OR10G2: variants seen among roughly 807,000 people sequenced by gnomAD.
The protein encoded by OR10G2 is olfactory receptor 10G2.
For missense variants in OR10G2, 396 were observed against 387.6 expected (o/e 1.02, Z -0.18); for synonymous variants, 147 against 164.2 (o/e 0.90, Z 0.80).
At position 21,634,259 on chromosome 14, in the gene OR10G2, G is replaced by C. The variant is rs778454860; in HGVS notation, c.584C>G (p.Ala195Gly). 1.2e-6 allele frequency: 2 copies of C among 1,614,218 alleles called. No homozygotes were observed. The highest frequency in any genetic ancestry group is 1.7e-5 in the Admixed American group (1 of 60,018). Residue 195 changes from alanine to glycine, a missense_variant, in exon 1 of 1, where the codon GCT becomes GGT. By Grantham distance (60) the Ala-to-Gly change is moderately conservative. Coordinates refer to ENST00000542433, the MANE Select transcript of OR10G2 (RefSeq NM_001005466.2). ...DIPAVLRLAC[A>G]DTTVNELVTF... ...CACAAGCTCATTGACAGTTGTGTCA[G>C]CACAGGCCAGTCTCAATACTGCGGG...
Position 21,633,911 on chromosome 14 carries a change from C to T in OR10G2, c.932G>A (p.Ter311=), listed in dbSNP as rs551427146. The T allele has an allele frequency of 3.1e-6, 5 of 1,594,202 alleles. No homozygotes were observed. The East Asian group carries it at 1.1e-4, about 36-fold the overall frequency. The part of the protein sequence containing the change: ...KSALKRITAG[*] ...AGTTACTTATTTTCATTCAGTCCTTCAACCTGCTGTTATCCTCTTCAGGGC... is the reference window on the plus strand; with the variant it reads ...AGTTACTTATTTTCATTCAGTCCTTTAACCTGCTGTTATCCTCTTCAGGGC... Residue 311 remains the stop codon, a stop_retained_variant, in exon 1 of 1, where the codon TGA becomes TAA. Coordinates refer to ENST00000542433, the MANE Select transcript of OR10G2 (RefSeq NM_001005466.2).
rs767877677 is a variant in OR10G2, at chr14:21,634,755, G to A, written c.88C>T (p.Leu30Phe). ...ATGATGAAGAAGACCAGGAAGAGGA[G>A]GCTTCTTAGATTTGGGGGGTGAGAC... ...GLSHPPNLRS[L>F]LFLVFFIIYI... Residue 30 changes from leucine (L) to phenylalanine (F), a missense_variant, in exon 1 of 1, where the codon CTC becomes TTC. Coordinates refer to ENST00000542433, the MANE Select transcript of OR10G2 (RefSeq NM_001005466.2). The A allele has an allele frequency of 3.7e-6, 6 of 1,614,116 alleles. No homozygotes were observed. Among genetic ancestry groups the A allele is most frequent in the South Asian group, 3.3e-5 (3 of 91,076 alleles).
At position 21,634,217 on chromosome 14, in the gene OR10G2, C is replaced by T. The variant is rs1216229516; in HGVS notation, c.626G>A (p.Gly209Glu). 1.2e-6 allele frequency: 2 copies of T among 1,614,198 alleles called. No individual in the cohort carries two copies. Among genetic ancestry groups the T allele is most frequent in the Non-Finnish European group, 1.7e-6 (2 of 1,180,038 alleles). The change falls in exon 1 of 1, where the codon GGG becomes GAG. Residue 209 changes from glycine to glutamate, a missense_variant. Coordinates refer to ENST00000542433, the MANE Select transcript of OR10G2 (RefSeq NM_001005466.2). Reference protein sequence around the residue: ...VNELVTFVDVGVVAASCFMLI... With the variant: ...VNELVTFVDVEVVAASCFMLI... ...CATGAAGCAACTGGCGGCCACTACCCCGACGTCCACAAAGGTCACAAGCTC... is the reference window on the plus strand; with the variant it reads ...CATGAAGCAACTGGCGGCCACTACCTCGACGTCCACAAAGGTCACAAGCTC...
chr14:21,634,740 A>G lies in OR10G2; in HGVS notation c.103T>C (p.Phe35Leu). ...PNLRSLLFLV[F>L]FIIYILTQLG... Reference sequence around the variant, plus strand: ...TGAGTGAGGATGTAAATGATGAAGAAGACCAGGAAGAGGAGGCTTCTTAGA... The same window carrying G: ...TGAGTGAGGATGTAAATGATGAAGAGGACCAGGAAGAGGAGGCTTCTTAGA... The change falls in exon 1 of 1, where the codon TTC (phenylalanine) becomes CTC (leucine). Residue 35 changes from phenylalanine (F) to leucine (L), a missense_variant. Transcript: ENST00000542433. 3.1e-6 allele frequency: 5 copies of G among 1,614,166 alleles called. No homozygotes were observed. Among genetic ancestry groups the G allele is most frequent in the Non-Finnish European group, 4.2e-6 (5 of 1,180,030 alleles).
At position 21,634,930 on chromosome 14, in the gene OR10G2, T is replaced by C. The variant is rs1158259941; in HGVS notation, c.-88A>G. The C allele has an allele frequency of 9.6e-7, 1 of 1,043,898 alleles. No homozygotes were observed. Among genetic ancestry groups the C allele is most frequent in the South Asian group, 1.6e-5 (1 of 63,872 alleles). 64.7% of individuals were successfully genotyped at this position (1,043,898 alleles called of 1,614,324 possible). A position where few individuals can be genotyped will look rare whatever the true frequency, so the allele number is the denominator to read the frequency against. On this transcript the variant is annotated 5_prime_UTR_variant, in exon 1 of 1. Transcript: ENST00000542433. ...GTTGTAAGTGAATGCTTTTGTCGGA[T>C]GATTGATGCCTAGGAATTATGAGAT...
chr14:21,634,560 T>C lies in OR10G2; in HGVS notation c.283A>G (p.Lys95Glu). 1 of 1,614,014 alleles carries C rather than the reference T, an allele frequency of 6.2e-7. No individual in the cohort carries two copies. The highest frequency in any genetic ancestry group is 8.5e-7 in the Non-Finnish European group (1 of 1,179,992). Reference sequence around the variant, plus strand: ...ACACAGCCACCAAACGGGATAGCCTTGATGGAAGGAGTAAAATCCAAAATA... The same window carrying C: ...ACACAGCCACCAAACGGGATAGCCTCGATGGAAGGAGTAAAATCCAAAATA... ...LLILDFTPSI[K>E]AIPFGGCVAQ... The change falls in exon 1 of 1, where the codon AAG becomes GAG. Residue 95 changes from lysine (K) to glutamate (E), a missense_variant. Coordinates refer to ENST00000542433, the MANE Select transcript of OR10G2 (RefSeq NM_001005466.2).
Position 21,634,538 on chromosome 14 carries a change from C to T in OR10G2, c.305G>A (p.Cys102Tyr), listed in dbSNP as rs769802083. Residue 102 changes from cysteine (C) to tyrosine (Y), a missense_variant, in exon 1 of 1, where the codon TGT becomes TAT. Coordinates refer to ENST00000542433, the MANE Select transcript of OR10G2 (RefSeq NM_001005466.2). ...PSIKAIPFGG[C>Y]VAQLYFFHFL... ...GTGAAAGAAATACAGTTGAGCCACA[C>T]AGCCACCAAACGGGATAGCCTTGAT... The T allele has an allele frequency of 1.2e-6, 2 of 1,614,186 alleles. No homozygotes were observed. The highest frequency in any genetic ancestry group is 1.7e-5 in the Admixed American group (1 of 60,022).
At position 21,634,657 on chromosome 14, in the gene OR10G2, G is replaced by A. The variant is rs1478322418; in HGVS notation, c.186C>T (p.Arg62=). The A allele has an allele frequency of 2.5e-6, 4 of 1,614,006 alleles. No individual in the cohort carries two copies. The highest frequency in any genetic ancestry group is 1.7e-5 in the Admixed American group (1 of 59,998). ...TMWADPKLCA[R]PMYILLGVLS... The stretch of plus-strand genomic sequence containing the variant: ...GCACTCCCAGAAGAATGTACATGGG[G>A]CGAGCACAGAGCTTCGGGTCAGCCC... The change falls in exon 1 of 1, where the codon CGC becomes CGT. Residue 62 remains arginine, a synonymous_variant. Transcript: ENST00000542433.
In OR10G2 at chr14:21,634,276, T is replaced by A; in HGVS notation, c.567A>T (p.Val189=). Residue 189 remains valine, a synonymous_variant, in exon 1 of 1, where the codon GTA becomes GTT. Coordinates refer to ENST00000542433, the MANE Select transcript of OR10G2 (RefSeq NM_001005466.2). Reference sequence around the variant, plus strand: ...TTGTGTCAGCACAGGCCAGTCTCAATACTGCGGGGATGTCACAGATAAAGT... The same window carrying A: ...TTGTGTCAGCACAGGCCAGTCTCAAAACTGCGGGGATGTCACAGATAAAGT... ...VDYFICDIPA[V]LRLACADTTV... The A allele has an allele frequency of 6.2e-7, 1 of 1,614,208 alleles. No individual in the cohort carries two copies. The highest frequency in any genetic ancestry group is 8.5e-7 in the Non-Finnish European group (1 of 1,180,032).
In OR10G2 at chr14:21,634,258, A is replaced by G. The variant is rs10136017; in HGVS notation, c.585T>C (p.Ala195=). The change falls in exon 1 of 1, where the codon GCT becomes GCC. Residue 195 remains alanine, a synonymous_variant. Transcript: ENST00000542433. ...DIPAVLRLAC[A]DTTVNELVTF... ...TCACAAGCTCATTGACAGTTGTGTCAGCACAGGCCAGTCTCAATACTGCGG... is the reference window on the plus strand; with the variant it reads ...TCACAAGCTCATTGACAGTTGTGTCGGCACAGGCCAGTCTCAATACTGCGG... 2 of 1,614,096 alleles carry G rather than the reference A, an allele frequency of 1.2e-6. No homozygotes were observed. The highest frequency in any genetic ancestry group is 2.7e-5 in the African/African-American group (2 of 74,928).
rs1170305268 is a variant in OR10G2, at chr14:21,634,376, G to A, written c.467C>T (p.Ala156Val). Residue 156 changes from alanine (A) to valine (V), a missense_variant, in exon 1 of 1, where the codon GCC (alanine) becomes GTC (valine). By Grantham distance (64) the Ala-to-Val change is moderately conservative. Coordinates refer to ENST00000542433, the MANE Select transcript of OR10G2 (RefSeq NM_001005466.2). ...CTGGATAGACCCATGCATGGAGCCG[G>A]CGACCCAAGCTCCAGCCACAAGGAC... is the stretch of plus-strand genomic sequence containing the variant. ...CTVLVAGAWV[A>V]GSMHGSIQAT... 1.9e-6 allele frequency: 3 copies of A among 1,614,226 alleles called. No homozygotes were observed. The East Asian group carries it at 6.7e-5, about 36-fold the overall frequency.
chr14:21,634,394 A>C lies in OR10G2; in HGVS notation c.449T>G (p.Val150Gly), dbSNP rs776402385. 7.4e-6 allele frequency: 12 copies of C among 1,614,258 alleles called. 1 individual carries two copies. In the South Asian group the frequency reaches 1.2e-4, roughly 16 times the overall value. ...GGAGCCGGCGACCCAAGCTCCAGCC[A>C]CAAGGACTGTGCATAACCTCCCATT... ...LMNGRLCTVLVAGAWVAGSMH... is the reference protein window; with the variant it reads ...LMNGRLCTVLGAGAWVAGSMH... Residue 150 changes from valine to glycine, a missense_variant, in exon 1 of 1, where the codon GTG becomes GGG. Val to Gly is a moderately radical substitution (Grantham distance 109). Coordinates refer to ENST00000542433, the MANE Select transcript of OR10G2 (RefSeq NM_001005466.2).
In OR10G2 at chr14:21,633,993, C is replaced by T; in HGVS notation, c.850G>A (p.Val284Ile). 2 of 1,614,064 alleles carry T rather than the reference C, an allele frequency of 1.2e-6. No homozygotes were observed. The highest frequency in any genetic ancestry group is 1.7e-6 in the Non-Finnish European group (2 of 1,179,972). Reference protein sequence around the residue: ...DGAAAVFYTVVTPLLNPLIYT... With the variant: ...DGAAAVFYTVITPLLNPLIYT... ...ATGAGGGGGTTCAGTAATGGAGTGA[C>T]AACAGTGTAAAACACAGCCGCTGCC... Residue 284 changes from valine (V) to isoleucine (I), a missense_variant, in exon 1 of 1, where the codon GTC (valine) becomes ATC (isoleucine). Val to Ile is a conservative substitution (Grantham distance 29). Coordinates refer to ENST00000542433, the MANE Select transcript of OR10G2 (RefSeq NM_001005466.2).
Position 21,634,086 on chromosome 14 carries a change from C to T in OR10G2, c.757G>A (p.Val253Ile). The change falls in exon 1 of 1, where the codon GTC (valine) becomes ATC (isoleucine). Residue 253 changes from valine to isoleucine, a missense_variant. Physicochemically the swap from Val to Ile is conservative, Grantham distance 29 (BLOSUM62 3). Coordinates refer to ENST00000542433, the MANE Select transcript of OR10G2 (RefSeq NM_001005466.2). ...FSTCGSHLIV[V>I]TVYYVPCIFI... ...ATACAGGGGACATAGTAGACTGTGA[C>T]CACGATTAGGTGGGAGCCACAGGTG... The T allele has an allele frequency of 1.2e-6, 2 of 1,614,076 alleles. No homozygotes were observed. Among genetic ancestry groups the T allele is most frequent in the Non-Finnish European group, 8.5e-7 (1 of 1,179,962 alleles).
rs779535936 is a variant in OR10G2, at chr14:21,634,876, G to A, written c.-34C>T. 1.9e-5 allele frequency: 28 copies of A among 1,504,482 alleles called. No homozygotes were observed. Among genetic ancestry groups the A allele is most frequent in the South Asian group, 7.7e-5 (6 of 78,396 alleles). The allele number at this position is 1,504,482 out of a possible 1,614,324, so 93.2% of individuals were successfully genotyped here. On this transcript the variant is annotated 5_prime_UTR_variant, in exon 1 of 1. It adds an upstream start codon to the 5' untranslated region. Transcript: ENST00000542433. The stretch of plus-strand genomic sequence containing the variant: ...GTAGTCTGCTAAGATGAATGGTGAC[G>A]TTTGACAAGAGAAACACAGCACAAT...
chr14:21,633,914 C>T lies in OR10G2; in HGVS notation c.929G>A (p.Gly310Asp), dbSNP rs1430812681. Residue 310 changes from glycine to aspartate, a missense_variant, in exon 1 of 1, where the codon GGT becomes GAT. Physicochemically the swap from Gly to Asp is moderately conservative, Grantham distance 94. Transcript: ENST00000542433. The stretch of plus-strand genomic sequence containing the variant: ...TACTTATTTTCATTCAGTCCTTCAA[C>T]CTGCTGTTATCCTCTTCAGGGCAGA... ...VKSALKRITA[G>D] The T allele has an allele frequency of 6.3e-7, 1 of 1,597,052 alleles. No homozygotes were observed. The highest frequency in any genetic ancestry group is 8.5e-7 in the Non-Finnish European group (1 of 1,171,242).
In OR10G2 at chr14:21,634,648, G is replaced by A. The variant is rs1363463435; in HGVS notation, c.195C>T (p.Tyr65=). 1.2e-6 allele frequency: 2 copies of A among 1,614,026 alleles called. No individual in the cohort carries two copies. Among genetic ancestry groups the A allele is most frequent in the African/African-American group, 2.7e-5 (2 of 74,906 alleles). ...GGAATGAGAGCACTCCCAGAAGAAT[G>A]TACATGGGGCGAGCACAGAGCTTCG... ...ADPKLCARPM[Y]ILLGVLSFLD... is the part of the protein sequence containing the mutation. Residue 65 remains tyrosine, a synonymous_variant, in exon 1 of 1, where the codon TAC becomes TAT. Coordinates refer to ENST00000542433, the MANE Select transcript of OR10G2 (RefSeq NM_001005466.2).
rs755468721 is a variant in OR10G2, at chr14:21,634,349, G to C, written c.494C>G (p.Ala165Gly). ...VAGSMHGSIQ[A>G]TLTFRLPYCG... The stretch of plus-strand genomic sequence containing the variant: ...GTAGGGCAGGCGGAAGGTCAAGGTG[G>C]CCTGGATAGACCCATGCATGGAGCC... Residue 165 changes from alanine (A) to glycine (G), a missense_variant, in exon 1 of 1, where the codon GCC (alanine) becomes GGC (glycine). Ala to Gly is a moderately conservative substitution (Grantham distance 60, BLOSUM62 0). Transcript: ENST00000542433. 2.2e-5 allele frequency: 35 copies of C among 1,614,126 alleles called. No individual in the cohort carries two copies. The highest frequency in any genetic ancestry group is 2.9e-5 in the Non-Finnish European group (34 of 1,180,050).
rs1878576559 is a variant in OR10G2 at position 21,633,908 on chromosome 14, C to T, written c.*2G>A. ...TGTAGTTACTTATTTTCATTCAGTC[C>T]TTCAACCTGCTGTTATCCTCTTCAG... On this transcript the variant is annotated 3_prime_UTR_variant, in exon 1 of 1. Coordinates refer to ENST00000542433, the MANE Select transcript of OR10G2 (RefSeq NM_001005466.2). 4.4e-6 allele frequency: 7 copies of T among 1,592,926 alleles called. No homozygotes were observed. Among genetic ancestry groups the T allele is most frequent in the Non-Finnish European group, 6.0e-6 (7 of 1,168,940 alleles).
Sources: gnomAD v4.1 joint callset for allele counts on GRCh38, gnomAD v4.1.1 for gene constraint, MANE v1.5 for transcripts, NCBI Gene and HGNC (gene_info 2026-07-23, HGNC 2026-07-21) for gene names.